Variants in SPMAP2 observed in about 807,000 individuals in gnomAD.
SPMAP2 encodes the protein sperm microtubule associated protein 2.
At chr19:374,544 T>TCC in the SPMAP2 span, 3 of 1,396,796 alleles carry the variant, frequency 2.1e-6, no homozygotes, top group Non-Finnish European at 2.9e-6. Flanking sequence ...CACCCGCCTC[T>TCC]CCTTTCCCTC....
chr19:372,808 T>C, the SPMAP2 span: 3 of 1,060,384 alleles, frequency 2.8e-6, no homozygotes, highest in South Asian at 1.3e-5. Context: ...GGCAGGAGGC[T>C]GAATTGGAAG....
the SPMAP2 span, among the ~76,000 whole-genome samples, chr19:369,206 G>C: frequency 6.6e-6 from 1 of 152,206 alleles, no homozygotes; most frequent in Non-Finnish European, 1.5e-5. Context: ...ACCACACACA[G>C]TGAGGGGAAT....
At chr19:362,872 A>G in the SPMAP2 span, among the ~76,000 whole-genome samples, 2 of 151,814 alleles carry the variant, frequency 1.3e-5, no homozygotes, top group African/African-American at 4.8e-5. Flanking sequence ...AATATGACTC[A>G]GCCAAGAAAA....
At chr19:369,773 G>A in the SPMAP2 span, among the ~76,000 whole-genome samples, 4,096 of 152,274 alleles carry the variant, frequency 0.027, 211 homozygotes, top group African/African-American at 0.094. Context: ...AATGTTTTGC[G>A]GGCAGGGGTG....
At chr19:371,306 G>A in the SPMAP2 span, 3 of 1,485,038 alleles carry the variant, frequency 2.0e-6, no homozygotes, top group Non-Finnish European at 2.7e-6. Flanking sequence ...CGAGGAATGG[G>A]CCAGACAGGA....
chr19:372,590 ACT>A, the SPMAP2 span: 1 of 1,595,392 alleles, frequency 6.3e-7, no homozygotes, highest in Non-Finnish European at 8.6e-7. Flanking sequence ...TTTCTGCCAA[ACT>A]CTGCCTTCTG....
chr19:369,891 A>AT, the SPMAP2 span, among the ~76,000 whole-genome samples: 1 of 152,166 alleles, frequency 6.6e-6, no homozygotes, highest in Non-Finnish European at 1.5e-5. Context: ...AGTTAAGGCT[A>AT]TTTTTACTTC....
the SPMAP2 span, among the ~76,000 whole-genome samples, chr19:368,610 T>G: frequency 6.6e-6 from 1 of 152,210 alleles, no homozygotes; most frequent in Non-Finnish European, 1.5e-5. This position sits in a 1 kb window ranked among gnomAD's most constrained non-coding sequence, Gnocchi z 4.1. Context: ...AGTCTGTGAT[T>G]GTTGGCTGGT....
chr19:371,108 C>G, the SPMAP2 span: 1 of 668,398 alleles, frequency 1.5e-6, no homozygotes, highest in East Asian at 3.0e-5. Context: ...GCAGCTTCTC[C>G]TCCTCCCCTG....
chr19:367,123 G>T, the SPMAP2 span: 1 of 1,613,356 alleles, frequency 6.2e-7, no homozygotes, highest in East Asian at 2.2e-5. Flanking sequence ...TTGGCACGGG[G>T]TCCCACTCTT....
chr19:374,548 T>G, the SPMAP2 span: 3 of 1,317,706 alleles, frequency 2.3e-6, no homozygotes, highest in Non-Finnish European at 3.1e-6. Flanking sequence ...CGCCTCTCCT[T>G]TCCCTCGAGG....
At chr19:370,353 T>A in the SPMAP2 span, among the ~76,000 whole-genome samples, 1 of 151,952 alleles carries the variant, frequency 6.6e-6, no homozygotes, top group Non-Finnish European at 1.5e-5. Flanking sequence ...TTTTGTTTTT[T>A]TTTTTTGAGG....
At chr19:370,836 G>T in the SPMAP2 span, among the ~76,000 whole-genome samples, 1 of 140,788 alleles carries the variant, frequency 7.1e-6, no homozygotes, top group Non-Finnish European at 1.6e-5. Flanking sequence ...CAGGCTGCGG[G>T]GTTCAGACTT....
chr19:364,105 G>A, the SPMAP2 span, among the ~76,000 whole-genome samples: 1,431 of 151,270 alleles, frequency 9.5e-3, 25 homozygotes, highest in African/African-American at 0.029. Context: ...AGGCCGAGGC[G>A]GGCGGATCAC....
chr19:362,904 C>T, the SPMAP2 span, among the ~76,000 whole-genome samples: 8 of 152,024 alleles, frequency 5.3e-5, no homozygotes, highest in Non-Finnish European at 1.2e-4. Context: ...CTAGCACCAG[C>T]TACAGCATGG....
the SPMAP2 span, chr19:374,466 C>G: frequency 1.2e-6 from 2 of 1,612,498 alleles, no homozygotes; most frequent in South Asian, 1.1e-5. Context: ...TTTCCCGCCC[C>G]GATGCGTTTG....
chr19:364,323 C>T, the SPMAP2 span, among the ~76,000 whole-genome samples: 4 of 112,684 alleles, frequency 3.5e-5, no homozygotes, highest in East Asian at 2.4e-4. Flanking sequence ...GGTGACAGAG[C>T]GAAGCTCTGT....
At chr19:373,897 G>A in the SPMAP2 span, 1 of 1,585,318 alleles carries the variant, frequency 6.3e-7, no homozygotes, top group Non-Finnish European at 8.6e-7. Context: ...CCTGACACGT[G>A]TCCCCCAGCA....
chr19:371,176 G>A, the SPMAP2 span: 5 of 1,321,490 alleles, frequency 3.8e-6, no homozygotes, highest in South Asian at 5.2e-5. Flanking sequence ...CCTGGCGGGG[G>A]TGAGTCGCGG....
Sources: allele counts gnomAD v4.1 joint callset (sites outside exome capture counted in the v4.1 genomes callset), GRCh38; gene constraint gnomAD v4.1.1; non-coding constraint Gnocchi (gnomAD v3.1); transcripts MANE v1.5; gene names NCBI Gene and HGNC (gene_info 2026-07-23, HGNC 2026-07-21).